LPP: variants seen among roughly 807,000 people sequenced by gnomAD.
LPP encodes the protein LIM domain containing preferred translocation partner in lipoma.
In LPP, 38 loss-of-function variants were observed where a neutral mutation model predicts 60.4. The ratio of observed to expected loss-of-function variants is 0.63; its 90% CI spans 0.49 to 0.83. LPP has a LOEUF of 0.83. Among genes scored for constraint, LPP ranks in the 40% least tolerant of loss-of-function variants. The pLI is 0.00. For missense variants in LPP, 902 were observed against 783.6 expected (o/e 1.15, Z -1.80); for synonymous variants, 328 against 290.8 (o/e 1.13, Z -1.30).
intron 5 of LPP, among the ~76,000 whole-genome samples, chr3:188,502,345 C>T (rs1812174352): frequency 6.6e-6 from 1 of 152,148 alleles, no homozygotes. Context: ...TATTGAGCCT[C>T]TTATTAATAT....
At chr3:188,765,297 AACACACAC>A (rs60149759) in intron 9 of LPP, among the ~76,000 whole-genome samples, 28,994 of 143,944 alleles carry the variant, frequency 0.2, 2,948 homozygotes, top group Middle Eastern at 0.29. Context: ...TGTCTCACAC[AACACACAC>A]ACACACACAC....
chr3:188,545,265 A>T (rs1579824584), intron 6 of LPP, among the ~76,000 whole-genome samples: 1 of 81,326 alleles, frequency 1.2e-5, no homozygotes, highest in South Asian at 4.0e-4. Flanking sequence ...TAAAAAAAAA[A>T]ACATTAAAAA....
At chr3:188,246,780 A>C (rs1351316) in intron 2 of LPP, among the ~76,000 whole-genome samples, 106,566 of 152,134 alleles carry the variant, frequency 0.7, 39,004 homozygotes, top group African/African-American at 0.92. Flanking sequence ...ATCCTTCCTA[A>C]TTTGTAAATA....
In LPP at chr3:188,186,466, C is replaced by T. The variant is rs1324659006; in HGVS notation, c.-190+32214C>T. Among the ~76,000 whole-genome samples, 5 of 152,284 alleles carry T rather than the reference C, an allele frequency of 3.3e-5. No homozygotes were observed. The East Asian group carries it at 9.7e-4, about 29-fold the overall frequency. On this transcript the variant is annotated intron_variant, in intron 1 of 11. Transcript: ENST00000617246. Reference sequence around the variant, plus strand: ...ACGACCTTGTCATGCATTTAATGATCTTCAAAAGAGTGACATCTTGTAATG... The same window carrying T: ...ACGACCTTGTCATGCATTTAATGATTTTCAAAAGAGTGACATCTTGTAATG...
At chr3:188,464,923 T>G (rs1278717182) in intron 4 of LPP, among the ~76,000 whole-genome samples, 5 of 149,574 alleles carry the variant, frequency 3.3e-5, no homozygotes, top group African/African-American at 9.9e-5. Context: ...ACCCTTTGGA[T>G]TCCACACACC....
intron 7 of LPP, among the ~76,000 whole-genome samples, chr3:188,611,557 G>A (rs866653561): frequency 1.6e-4 from 24 of 152,266 alleles, no homozygotes; most frequent in Middle Eastern, 3.4e-3. Flanking sequence ...AAAATTTTAG[G>A]TCAGAACAAC....
intron 10 of LPP, among the ~76,000 whole-genome samples, chr3:188,869,569 G>T (rs1767545551): frequency 6.6e-6 from 1 of 152,196 alleles, no homozygotes; most frequent in Admixed American, 6.5e-5. Flanking sequence ...GGGATTACAG[G>T]CGTGAGCCAC....
chr3:188,385,679 C>T (rs563433986), intron 3 of LPP, among the ~76,000 whole-genome samples: 2 of 152,282 alleles, frequency 1.3e-5, no homozygotes, highest in East Asian at 3.9e-4. Flanking sequence ...ATTTGAGACT[C>T]TTTACCAGGC....
chr3:188,322,077 A>G (rs1281938562), intron 2 of LPP, among the ~76,000 whole-genome samples: 1 of 152,204 alleles, frequency 6.6e-6, no homozygotes, highest in East Asian at 1.9e-4. Flanking sequence ...CTGCTTACAT[A>G]TACGAATCCC....
chr3:188,172,074 G>T (rs980294878), intron 1 of LPP, among the ~76,000 whole-genome samples: 2 of 152,186 alleles, frequency 1.3e-5, no homozygotes, highest in African/African-American at 4.8e-5. Context: ...GCGAGGTTTG[G>T]TTCTTCTCCA....
Position 188,882,596 on chromosome 3 carries a change from A to G in LPP, c.*8117A>G, listed in dbSNP as rs944702509. 2 of 221,496 alleles carry G rather than the reference A, an allele frequency of 9.0e-6. No homozygotes were observed. Among genetic ancestry groups the G allele is most frequent in the Non-Finnish European group, 1.8e-5 (2 of 110,852 alleles). The allele number at this position is 221,496 out of a possible 1,614,324, so 13.7% of individuals were successfully genotyped here. On this transcript the variant is annotated 3_prime_UTR_variant, in exon 12 of 12. Coordinates refer to ENST00000617246, the MANE Select transcript of LPP (RefSeq NM_001375462.1). ...CATCTTCTATTCTTGCAGCAAGGGT[A>G]CATGTCCTTTGACCCTCCACAAAAG...
At chr3:188,683,520 C>T (rs1859986142) in intron 7 of LPP, among the ~76,000 whole-genome samples, 1 of 152,106 alleles carries the variant, frequency 6.6e-6, no homozygotes, top group South Asian at 2.1e-4. Flanking sequence ...TAGTCAAAAG[C>T]CTGCCTTTTG....
intron 2 of LPP, among the ~76,000 whole-genome samples, chr3:188,337,080 A>G (rs951235176): frequency 1.3e-5 from 2 of 152,150 alleles, no homozygotes; most frequent in Admixed American, 1.3e-4. Context: ...TGAAAGGTAG[A>G]TTAAGTGACT....
At chr3:188,614,225 C>A (rs1157959048) in intron 7 of LPP, among the ~76,000 whole-genome samples, 1 of 152,090 alleles carries the variant, frequency 6.6e-6, no homozygotes, top group African/African-American at 2.4e-5. Context: ...CCACCATGCC[C>A]AGCCTGTTTT....
At chr3:188,552,446 T>A (rs1828397036) in intron 6 of LPP, among the ~76,000 whole-genome samples, 1 of 152,134 alleles carries the variant, frequency 6.6e-6, no homozygotes, top group African/African-American at 2.4e-5. Context: ...TACAGATTAG[T>A]TTTCTATTAT....
rs1438652703 is a variant in LPP at position 188,638,920 on chromosome 3, T to C, written c.1113+29076T>C. On this transcript the variant is annotated intron_variant, in intron 7 of 11. Transcript: ENST00000617246. ...GCTCATGGATAAGAAGAATCAATAT[T>C]GTGAAAATGGCCATACTGCCCAAGG... 2.2e-4 allele frequency among the ~76,000 whole-genome samples: 34 copies of C among 152,192 alleles called. No individual in the cohort carries two copies. In the East Asian group the frequency reaches 5.4e-3, roughly 24 times the overall value.
chr3:188,294,045 C>A (rs1416131277), intron 2 of LPP, among the ~76,000 whole-genome samples: 3 of 111,706 alleles, frequency 2.7e-5, no homozygotes, highest in African/African-American at 7.2e-5. Flanking sequence ...GGTGACAGAG[C>A]CAAACTCTGT....
At chr3:188,676,507 A>G (rs1490084418) in intron 7 of LPP, among the ~76,000 whole-genome samples, 1 of 152,228 alleles carries the variant, frequency 6.6e-6, no homozygotes, top group Non-Finnish European at 1.5e-5. Context: ...AAAGATTAAA[A>G]CAAACAACAG....
intron 2 of LPP, among the ~76,000 whole-genome samples, chr3:188,306,887 A>G (rs1008761572): frequency 6.6e-6 from 1 of 152,240 alleles, no homozygotes; most frequent in Non-Finnish European, 1.5e-5. Flanking sequence ...GCAACTTACA[A>G]TCTTACTCAG....
Sources: gnomAD v4.1 joint callset for allele counts (sites outside exome capture counted in the v4.1 genomes callset) on GRCh38, gnomAD v4.1.1 for gene constraint, MANE v1.5 for transcripts, NCBI Gene and HGNC (gene_info 2026-07-23, HGNC 2026-07-21) for gene names.